ANKLE2: variants seen among roughly 807,000 people sequenced by gnomAD.
ANKLE2 encodes ankyrin repeat and LEM domain containing 2, also known as ankyrin repeat and LEM domain-containing protein 2.
A neutral mutation model predicts 84.2 loss-of-function variants in ANKLE2; 55 were observed. The observed-to-expected ratio is 0.65, with a 90% confidence interval of 0.53 to 0.82. ANKLE2 has a LOEUF of 0.82. Ranked by LOEUF, ANKLE2 falls within the 40% of genes least tolerant of loss-of-function variation. The pLI is 0.00. For missense variants in ANKLE2, 1,238 were observed against 1,201.9 expected (o/e 1.03, Z -0.44); for synonymous variants, 551 against 486.1 (o/e 1.13, Z -1.76).
rs1180878021 is a variant in ANKLE2, at chr12:132,750,702, G to C, written c.788C>G (p.Thr263Arg). The part of the protein sequence containing the change: ...ICDYFPSPSK[T>R]SLPLSPVKTA... ...TTTCACAGGAGACAGTGGTAAGGACGTTTTGCTTGGAGAAGGGAAATAATC... is the reference window on the plus strand; with the variant it reads ...TTTCACAGGAGACAGTGGTAAGGACCTTTTGCTTGGAGAAGGGAAATAATC... The change falls in exon 3 of 13, where the codon ACG (threonine) becomes AGG (arginine). Residue 263 changes from threonine to arginine, a missense_variant. Physicochemically the swap from Thr to Arg is moderately conservative, Grantham distance 71. Coordinates refer to ENST00000357997, the MANE Select transcript of ANKLE2 (RefSeq NM_015114.3). 1 of 1,614,122 alleles carries C rather than the reference G, an allele frequency of 6.2e-7. No individual in the cohort carries two copies. The highest frequency in any genetic ancestry group is 1.7e-5 in the Admixed American group (1 of 60,002).
chr12:132,761,689 G>A lies in ANKLE2; in HGVS notation c.110C>T (p.Pro37Leu). Residue 37 changes from proline to leucine, a missense_variant, in exon 1 of 13, where the codon CCG becomes CTG. By Grantham distance (98) the Pro-to-Leu change is moderately conservative (BLOSUM62 -3). This residue lies in a region of ANKLE2 where 422 missense variants were observed against 394.5 expected (regional missense o/e 1.07). Coordinates refer to ENST00000357997, the MANE Select transcript of ANKLE2 (RefSeq NM_015114.3). ...GCTGCGGCCCAGACCTCCCGGCCGC[G>A]GGCCCAGCCGCCGCACCAGCCACCG... ...AVRWLVRRLG[P>L]RPGGLGRSGT... is the part of the protein sequence containing the mutation. The A allele has an allele frequency of 3.0e-6, 4 of 1,346,040 alleles. No homozygotes were observed. The allele number at this position is 1,346,040 out of a possible 1,614,324, so 83.4% of individuals were successfully genotyped here.
intron 7 of ANKLE2, chr12:132,737,936 T>C (rs1374248561): frequency 1.3e-5 from 2 of 152,150 alleles, no homozygotes; most frequent in African/African-American, 4.8e-5. Context: ...TTACTTTTTG[T>C]AGAGATGGGG....
At position 132,729,955 on chromosome 12, in the gene ANKLE2, A is replaced by G. The variant is rs1293061092; in HGVS notation, c.2207T>C (p.Phe736Ser). The change falls in exon 11 of 13, where the codon TTT (phenylalanine) becomes TCT (serine). Residue 736 changes from phenylalanine (F) to serine (S), a missense_variant. Phe to Ser is a radical substitution (Grantham distance 155). This residue lies in a region of ANKLE2 where 802 missense variants were observed against 774.5 expected (regional missense o/e 1.04). Coordinates refer to ENST00000357997, the MANE Select transcript of ANKLE2 (RefSeq NM_015114.3). ...TATATTTTGCAAATTCAGTTTATCA[A>G]ACTCAACAGTCAAATCCGAGACAGG... ...LPPVSDLTVE[F>S]DKLNLQNIGR... 2 of 1,613,314 alleles carry G rather than the reference A, an allele frequency of 1.2e-6. No homozygotes were observed. The highest frequency in any genetic ancestry group is 1.7e-6 in the Non-Finnish European group (2 of 1,179,920).
chr12:132,730,487 A>G (rs2136106340), intron 10 of ANKLE2: 3 of 530,928 alleles, frequency 5.7e-6, no homozygotes, highest in South Asian at 6.2e-5. Flanking sequence ...AACCACCCAC[A>G]CGACTCCCTG....
At chr12:132,727,908 C>A in intron 12 of ANKLE2, 124 bp downstream of exon 12, 1 of 1,352,396 alleles carries the variant, frequency 7.4e-7, no homozygotes, top group East Asian at 2.3e-5. Context: ...AAATCCACAG[C>A]CTGGCTGACG....
At chr12:132,753,891 A>G (rs1268539717) in intron 2 of ANKLE2, among the ~76,000 whole-genome samples, 1 of 152,206 alleles carries the variant, frequency 6.6e-6, no homozygotes, top group Admixed American at 6.6e-5. Flanking sequence ...TGACTGCACC[A>G]CTGCAATGCA....
Position 132,736,968 on chromosome 12 carries a change from G to A in ANKLE2, c.1518C>T (p.Val506=). ...SPDQTAEASH[V]SRYGGSPRDP... is the part of the protein sequence containing the mutation. ...CTCTGGGGCTGCCTCCATAGCGGCT[G>A]ACGTGAGAGGCCTCAGCCGTCTGGT... Residue 506 remains valine, a synonymous_variant, in exon 8 of 13, where the codon GTC becomes GTT. Transcript: ENST00000357997. 3 of 1,613,914 alleles carry A rather than the reference G, an allele frequency of 1.9e-6. No homozygotes were observed. Among genetic ancestry groups the A allele is most frequent in the Non-Finnish European group, 2.5e-6 (3 of 1,179,916 alleles).
intron 1 of ANKLE2, chr12:132,757,626 T>C (rs1333972878): frequency 6.6e-6 from 1 of 152,070 alleles, no homozygotes; most frequent in Non-Finnish European, 1.5e-5. Context: ...ATTGAGACTA[T>C]CCTGGCAAAC....
intron 10 of ANKLE2, chr12:132,734,182 T>C: frequency 1.6e-6 from 1 of 616,220 alleles, no homozygotes; most frequent in East Asian, 3.0e-5. Context: ...GAGGTGGAGG[T>C]TGCAGTGAGC....
At chr12:132,736,609 GAC>G (rs561280664) in intron 8 of ANKLE2, among the ~76,000 whole-genome samples, 230 of 152,328 alleles carry the variant, frequency 1.5e-3, no homozygotes, top group African/African-American at 5.4e-3. Flanking sequence ...AGAACAGGGC[GAC>G]ACGCGCACAG....
At chr12:132,758,001 A>AG (rs2136186721) in intron 1 of ANKLE2, 1 of 152,048 alleles carries the variant, frequency 6.6e-6, no homozygotes, top group African/African-American at 2.4e-5. Context: ...AAAAAAAAAA[A>AG]GAACAGCCAC....
chr12:132,728,298 C>G, intron 11 of ANKLE2, 135 bp from the exon 12 acceptor site: 1 of 1,099,822 alleles, frequency 9.1e-7, no homozygotes, highest in Non-Finnish European at 1.3e-6. Context: ...GGCGTGATCT[C>G]GGCTCATCGC....
At position 132,730,095 on chromosome 12, in the gene ANKLE2, G is replaced by A. The variant is rs369709746; in HGVS notation, c.2067C>T (p.Ala689=). 1.9e-5 allele frequency: 30 copies of A among 1,612,410 alleles called. No individual in the cohort carries two copies. Among genetic ancestry groups the A allele is most frequent in the Admixed American group, 6.7e-5 (4 of 59,980 alleles). ...TGCTGCTGTGTGGACCTCCCGGCTC[G>A]GCGGCTTCTATGAGGTCTGCCTCCT... ...LEQEADLIEA[A]EPGGPHSSRN... The change falls in exon 11 of 13, where the codon GCC becomes GCT. Residue 689 remains alanine (A), a synonymous_variant. Coordinates refer to ENST00000357997, the MANE Select transcript of ANKLE2 (RefSeq NM_015114.3).
rs1181541474 is a variant in ANKLE2 at position 132,754,586 on chromosome 12, T to C, written c.640+89A>G. ...GGAGGGGATTGGATTTTTTCCTTCT[T>C]AATCTGTAGTTTTCCATTTTCAGAC... On this transcript the variant is annotated intron_variant, in intron 2 of 12. Transcript: ENST00000357997. The C allele has an allele frequency of 1.0e-5, 14 of 1,339,556 alleles. No individual in the cohort carries two copies. In the South Asian group the frequency reaches 1.6e-4, roughly 16 times the overall value. 83.0% of individuals were successfully genotyped at this position (1,339,556 alleles called of 1,614,324 possible). A position where few individuals can be genotyped will look rare whatever the true frequency, so the allele number is the denominator to read the frequency against.
chr12:132,749,294 T>C (rs1661989433), intron 3 of ANKLE2, among the ~76,000 whole-genome samples: 1 of 152,006 alleles, frequency 6.6e-6, no homozygotes, highest in Admixed American at 6.6e-5. Context: ...TAGCTGGGAT[T>C]ACAGGCACCT....
At chr12:132,735,254 C>A in intron 9 of ANKLE2, 152 bp downstream of exon 9, 1 of 710,204 alleles carries the variant, frequency 1.4e-6, no homozygotes, top group Non-Finnish European at 2.4e-6. Context: ...TCCACAACAT[C>A]CACAAGGAAT....
intron 2 of ANKLE2, among the ~76,000 whole-genome samples, chr12:132,753,823 C>G (rs1179048265): frequency 6.6e-6 from 1 of 152,122 alleles, no homozygotes; most frequent in East Asian, 1.9e-4. Flanking sequence ...CCCAGCTACT[C>G]AAGCGGCTGA....
At chr12:132,742,338 G>A (rs920573179) in intron 6 of ANKLE2, 2 of 155,892 alleles carry the variant, frequency 1.3e-5, no homozygotes, top group Non-Finnish European at 2.8e-5. Flanking sequence ...TGGATGTATA[G>A]CTTATGTAAT....
intron 7 of ANKLE2, chr12:132,737,412 A>T (rs867592390): frequency 2.1e-5 from 4 of 190,108 alleles, no homozygotes; most frequent in African/African-American, 9.3e-5. Flanking sequence ...AATACATTTT[A>T]AAAATGTTAT....
Sources: allele counts gnomAD v4.1 joint callset (sites outside exome capture counted in the v4.1 genomes callset), GRCh38; gene constraint gnomAD v4.1.1; regional missense constraint gnomAD v4.1.1; transcripts MANE v1.5; gene names NCBI Gene and HGNC (gene_info 2026-07-23, HGNC 2026-07-21).